The following PTCHD4 variants were observed in gnomAD, a reference collection of about 807,000 sequenced individuals.
PTCHD4 encodes the protein patched domain-containing protein 4.
A neutral mutation model predicts 58.1 loss-of-function variants in PTCHD4; 33 were observed. The ratio of observed to expected loss-of-function variants is 0.57; its 90% CI spans 0.43 to 0.76. The LOEUF (loss-of-function observed/expected upper bound fraction) is 0.76. PTCHD4 is among the 30% of genes least tolerant of loss of function. The probability of loss-of-function intolerance (pLI) is 0.00; values close to 1 mark genes in which losing one functional copy is unlikely to be tolerated. For missense variants in PTCHD4, 1,058 were observed against 1,027.1 expected (o/e 1.03, Z -0.41); for synonymous variants, 478 against 409.6 (o/e 1.17, Z -2.02).
intron 3 of PTCHD4, among the ~76,000 whole-genome samples, chr6:48,019,443 A>AAT (rs1762979758): frequency 6.6e-6 from 1 of 152,170 alleles, no homozygotes; most frequent in African/African-American, 2.4e-5. Flanking sequence ...ATTTTAAAAA[A>AAT]ATATAAGTAC....
intron 4 of PTCHD4, among the ~76,000 whole-genome samples, chr6:47,965,058 C>T (rs1357629362): frequency 1.3e-5 from 2 of 152,030 alleles, no homozygotes; most frequent in Non-Finnish European, 2.9e-5. Flanking sequence ...AATACCTGGC[C>T]TTTATTCAGG....
chr6:48,008,638 GGCGAAGAA>G lies in PTCHD4; in HGVS notation c.886_893del (p.Phe296HisfsTer6). 1 of 1,612,566 alleles carries G rather than the reference GGCGAAGAA, an allele frequency of 6.2e-7. No homozygotes were observed. The highest frequency in any genetic ancestry group is 8.5e-7 in the Non-Finnish European group (1 of 1,179,204). On this transcript the variant is annotated frameshift_variant, in exon 4 of 5. Coordinates refer to ENST00000339488, the MANE Select transcript of PTCHD4 (RefSeq NM_001384253.1). LOFTEE classifies it high-confidence loss of function. ...ACCACAAGGATGGATAGTTACCCATGGCGAAGAACGGGATTCCCAGCAGGGTGGAGTTG... is the reference window on the plus strand; with the variant it reads ...ACCACAAGGATGGATAGTTACCCATGCGGGATTCCCAGCAGGGTGGAGTTG...
intron 3 of PTCHD4, among the ~76,000 whole-genome samples, chr6:48,050,247 G>A (rs949447042): frequency 6.6e-6 from 1 of 151,892 alleles, no homozygotes; most frequent in South Asian, 2.1e-4. Flanking sequence ...CACATAAATT[G>A]AACTTAATAA....
rs1763671808 is a variant in PTCHD4, at chr6:47,869,958, T to A, written c.*8345A>T. On this transcript the variant is annotated 3_prime_UTR_variant, in exon 5 of 5. Coordinates refer to ENST00000339488, the MANE Select transcript of PTCHD4 (RefSeq NM_001384253.1). ...ACTAACAATAAAGAATGAAGAAAAA[T>A]CTGGCGAATTTAAGAATAACCTAGC... Among the ~76,000 whole-genome samples the A allele has an allele frequency of 6.6e-6, 1 of 151,552 alleles. No individual in the cohort carries two copies. The highest frequency in any genetic ancestry group is 2.1e-4 in the South Asian group (1 of 4,828).
In PTCHD4 at chr6:47,879,683, G is replaced by A. The variant is rs370296919; in HGVS notation, c.1152C>T (p.Gly384=). Residue 384 remains glycine, a synonymous_variant, in exon 5 of 5, where the codon GGC becomes GGT. Coordinates refer to ENST00000339488, the MANE Select transcript of PTCHD4 (RefSeq NM_001384253.1). The stretch of plus-strand genomic sequence containing the variant: ...GTTGGCCAGCAAAGACCAGACAGGA[G>A]CCAAAGAAGGAGAAAATGTAGAAGT... The part of the protein sequence containing the change: ...LNYFYIFSFF[G]SCLVFAGQLE... 3.4e-5 allele frequency: 55 copies of A among 1,613,584 alleles called. 1 individual carries two copies. The highest frequency in any genetic ancestry group is 4.4e-5 in the Non-Finnish European group (52 of 1,179,712).
Position 48,019,667 on chromosome 6 carries a change from C to T in PTCHD4, c.418-10553G>A, listed in dbSNP as rs202121087. On this transcript the variant is annotated intron_variant, in intron 3 of 4. Transcript: ENST00000339488. ...AGGAGAATGGCGTTAACCCGGCAGG[C>T]GGAGCTTGCACTGAGCTGAGATGGC... 1.1e-4 allele frequency among the ~76,000 whole-genome samples: 16 copies of T among 150,946 alleles called. No individual in the cohort carries two copies. The East Asian group carries it at 2.2e-3, about 20-fold the overall frequency.
intron 1 of PTCHD4, among the ~76,000 whole-genome samples, chr6:48,089,014 C>A (rs1765313739): frequency 6.6e-6 from 1 of 152,030 alleles, no homozygotes; most frequent in African/African-American, 2.4e-5. Flanking sequence ...CCATTGCACT[C>A]CAGCCTAGGC....
chr6:47,962,025 T>C (rs1767118258), intron 4 of PTCHD4, among the ~76,000 whole-genome samples: 1 of 152,032 alleles, frequency 6.6e-6, no homozygotes, highest in Non-Finnish European at 1.5e-5. Context: ...TCTAACCAGG[T>C]TTATTAGGAA....
rs569577853 is a variant in PTCHD4, at chr6:48,069,143, G to A, written c.-186C>T. ...GAAGCAGACATGTGCCCCATAAAGG[G>A]GGGGGGGGCTGAGGGGGGGAGAGGA... On this transcript the variant is annotated 5_prime_UTR_variant, in exon 2 of 5. Transcript: ENST00000339488. 1.4e-5 allele frequency among the ~76,000 whole-genome samples: 2 copies of A among 141,994 alleles called. No homozygotes were observed. Among genetic ancestry groups the A allele is most frequent in the African/African-American group, 2.6e-5 (1 of 38,348 alleles). 93.2% of individuals were successfully genotyped at this position (141,994 alleles called of 152,430 possible). A position where few individuals can be genotyped will look rare whatever the true frequency, so the allele number is the denominator to read the frequency against.
intron 3 of PTCHD4, among the ~76,000 whole-genome samples, chr6:48,066,099 C>CCTTTTTTT (rs763897152): frequency 7.6e-6 from 1 of 131,262 alleles, no homozygotes; most frequent in African/African-American, 3.0e-5. Context: ...CTGACATCTA[C>CCTTTTTTT]TTTTTTTTTT....
At chr6:47,918,755 C>A (rs1172286819) in intron 4 of PTCHD4, among the ~76,000 whole-genome samples, 5 of 152,116 alleles carry the variant, frequency 3.3e-5, no homozygotes, top group African/African-American at 1.2e-4. Context: ...AATAACAGAA[C>A]TCCAGTTTTT....
chr6:47,931,238 G>C (rs919818398), intron 4 of PTCHD4, among the ~76,000 whole-genome samples: 1 of 152,248 alleles, frequency 6.6e-6, no homozygotes, highest in African/African-American at 2.4e-5. Context: ...CTGCAGCCAT[G>C]TCTAAAATGA....
intron 4 of PTCHD4, among the ~76,000 whole-genome samples, chr6:47,951,236 T>A (rs1766634709): frequency 6.6e-6 from 1 of 152,162 alleles, no homozygotes; most frequent in Non-Finnish European, 1.5e-5. Context: ...GAAACTACAG[T>A]TCTAGTAGTA....
rs116444162 is a variant in PTCHD4, at chr6:48,066,973, G to A, written c.417+1257C>T. On this transcript the variant is annotated intron_variant, in intron 3 of 4. Transcript: ENST00000339488. ...ATCAAATTAGTGATTTCCTATATTAGGTCATTCATTTATTGAAACTGGGGT... is the reference window on the plus strand; with the variant it reads ...ATCAAATTAGTGATTTCCTATATTAAGTCATTCATTTATTGAAACTGGGGT... 4.7e-3 allele frequency among the ~76,000 whole-genome samples: 718 copies of A among 151,760 alleles called. 6 individuals carry two copies. The highest frequency in any genetic ancestry group is 0.016 in the African/African-American group (648 of 41,368).
In PTCHD4 at chr6:48,008,625, G is replaced by T. The variant is rs61745530; in HGVS notation, c.898+9C>A. ...TAAGAATCCGATTACCACAAGGATG[G>T]ATAGTTACCCATGGCGAAGAACGGG... On this transcript the variant is annotated intron_variant, in intron 4 of 4. Transcript: ENST00000339488. 0.017 allele frequency: 27,831 copies of T among 1,611,498 alleles called. 270 individuals are homozygous for T. The highest frequency in any genetic ancestry group is 0.02 in the Non-Finnish European group (23,871 of 1,178,636).
At chr6:48,064,725 T>C (rs1390455179) in intron 3 of PTCHD4, among the ~76,000 whole-genome samples, 2 of 152,050 alleles carry the variant, frequency 1.3e-5, no homozygotes, top group Non-Finnish European at 2.9e-5. Context: ...AATGACTATT[T>C]GTTGTGAATA....
intron 3 of PTCHD4, among the ~76,000 whole-genome samples, chr6:48,030,421 G>C (rs1453564271): frequency 6.6e-6 from 1 of 151,994 alleles, no homozygotes; most frequent in Non-Finnish European, 1.5e-5. Context: ...TTGAATATCT[G>C]GCTACAACTC....
chr6:47,925,816 G>C (rs2113895107), intron 4 of PTCHD4, among the ~76,000 whole-genome samples: 1 of 152,238 alleles, frequency 6.6e-6, no homozygotes, highest in Admixed American at 6.5e-5. Flanking sequence ...ATCAGGGCTT[G>C]TTTCCCACTT....
In PTCHD4 at chr6:48,068,707, G is replaced by A. The variant is rs1764896037; in HGVS notation, c.6-66C>T. ...CCGTTCTCCCCCATCCCACCCCCTG[G>A]GGCCAGTCCCCCCTCCCCACCGCCG... is the stretch of plus-strand genomic sequence containing the variant. On this transcript the variant is annotated intron_variant, in intron 2 of 4. Transcript: ENST00000339488. The surrounding 1 kb of genome is among the most constrained non-coding windows in gnomAD (Gnocchi z 4.2). The A allele has an allele frequency of 6.9e-7, 1 of 1,440,646 alleles. No individual in the cohort carries two copies. Among genetic ancestry groups the A allele is most frequent in the Non-Finnish European group, 9.2e-7 (1 of 1,090,470 alleles). 89.2% of individuals were successfully genotyped at this position (1,440,646 alleles called of 1,614,324 possible).
Sources: allele counts gnomAD v4.1 joint callset (sites outside exome capture counted in the v4.1 genomes callset), GRCh38; gene constraint gnomAD v4.1.1; non-coding constraint Gnocchi (gnomAD v3.1); transcripts MANE v1.5; gene names NCBI Gene and HGNC (gene_info 2026-07-23, HGNC 2026-07-21).